The following NARS2 variants were observed in gnomAD, a reference collection of about 807,000 sequenced individuals.
NARS2 encodes the protein asparaginyl-tRNA synthetase 2, mitochondrial.
Under a neutral mutation model 62.9 loss-of-function variants are expected in NARS2, and 60 were observed. The observed-to-expected ratio is 0.95, with a 90% CI of 0.77 to 1.18. The LOEUF is 1.18. Among genes scored for constraint, NARS2 ranks in the 50% most tolerant of loss-of-function variants. The pLI, the probability that NARS2 is intolerant of heterozygous loss-of-function variation, is 0.00. For synonymous variants in NARS2, 196 were observed against 200.0 expected (o/e 0.98, Z 0.17); for missense variants, 619 against 576.4 (o/e 1.07, Z -0.76).
At chr11:78,470,762 A>G (rs1317382437) in intron 9 of NARS2, among the ~76,000 whole-genome samples, 4 of 151,766 alleles carry the variant, frequency 2.6e-5, no homozygotes, top group Non-Finnish European at 5.9e-5. Flanking sequence ...CAATTTTTAT[A>G]TTTTCTGAAA....
At chr11:78,566,952 C>A (rs1038541380) in intron 3 of NARS2, among the ~76,000 whole-genome samples, 7 of 85,282 alleles carry the variant, frequency 8.2e-5, no homozygotes, top group African/African-American at 2.6e-4. Context: ...CAGCCTGTTT[C>A]TTTCAGTCTC....
chr11:78,464,068 T>C (rs1195090734), intron 11 of NARS2, among the ~76,000 whole-genome samples: 3 of 152,146 alleles, frequency 2.0e-5, no homozygotes, highest in Non-Finnish European at 2.9e-5. Context: ...CCTTCTGATG[T>C]TCGGATGTGT....
chr11:78,561,391 A>G (rs1425103419), intron 4 of NARS2, among the ~76,000 whole-genome samples: 16 of 152,220 alleles, frequency 1.1e-4, no homozygotes, highest in Admixed American at 1.0e-3. Context: ...TTCCAGTGTC[A>G]CTTATTTATA....
chr11:78,443,880 T>TG (rs779304288), intron 11 of NARS2, 122 bp from the exon 12 acceptor site: 16 of 654,030 alleles, frequency 2.4e-5, no homozygotes, highest in Non-Finnish European at 4.0e-5. Context: ...AGAATCTTAC[T>TG]GACTACATAC....
intron 11 of NARS2, among the ~76,000 whole-genome samples, chr11:78,460,817 T>C (rs1265792577): frequency 6.6e-6 from 1 of 152,216 alleles, no homozygotes; most frequent in African/African-American, 2.4e-5. Flanking sequence ...ATTCAGAGGT[T>C]CTGCATTTGT....
intron 6 of NARS2, among the ~76,000 whole-genome samples, chr11:78,509,067 A>G (rs1003729521): frequency 1.3e-5 from 2 of 151,584 alleles, no homozygotes; most frequent in Non-Finnish European, 2.9e-5. Context: ...GTGAGCCAAC[A>G]GCACTCCAGC....
chr11:78,556,744 T>A (rs1164259246), intron 5 of NARS2, among the ~76,000 whole-genome samples: 1 of 152,222 alleles, frequency 6.6e-6, no homozygotes. Context: ...AACCTACAAT[T>A]CTTGCCTTAA....
At chr11:78,547,690 G>T (rs1004871645) in intron 5 of NARS2, among the ~76,000 whole-genome samples, 1 of 152,144 alleles carries the variant, frequency 6.6e-6, no homozygotes, top group East Asian at 1.9e-4. Flanking sequence ...AAAATTAGCT[G>T]GGTGTGGTAG....
chr11:78,503,507 G>C (rs1254369768), intron 6 of NARS2, among the ~76,000 whole-genome samples: 1 of 152,152 alleles, frequency 6.6e-6, no homozygotes, highest in Non-Finnish European at 1.5e-5. Flanking sequence ...CAAAGGGCTG[G>C]GATTACAGGC....
At chr11:78,533,435 T>C (rs557611322) in intron 5 of NARS2, 2 of 152,332 alleles carry the variant, frequency 1.3e-5, no homozygotes, top group African/African-American at 4.8e-5. Flanking sequence ...TCATTTGAAA[T>C]TTTATCATGG....
At chr11:78,521,154 TTC>T (rs56778985) in intron 6 of NARS2, among the ~76,000 whole-genome samples, 22 of 150,620 alleles carry the variant, frequency 1.5e-4, no homozygotes, top group Non-Finnish European at 2.4e-4. Flanking sequence ...TGTTTTCTTA[TTC>T]TCTCTCTTTC....
At position 78,521,789 on chromosome 11, in the gene NARS2, C is replaced by CAAAAAAAAAAAA. The variant is rs58282524; in HGVS notation, c.689+7041_689+7052dup. On this transcript the variant is annotated intron_variant, in intron 6 of 13. Coordinates refer to ENST00000281038, the MANE Select transcript of NARS2 (RefSeq NM_024678.6). Reference sequence around the variant, plus strand: ...TGGGCGACAGAGCGAGACTCCGTCTCAAAAAAAAAAAAAAAAAAAAGAAAA... The same window carrying CAAAAAAAAAAAA: ...TGGGCGACAGAGCGAGACTCCGTCTCAAAAAAAAAAAAAAAAAAAAAAAAAAAAAAAAGAAAA... 8.0e-4 allele frequency among the ~76,000 whole-genome samples: 77 copies of CAAAAAAAAAAAA among 96,390 alleles called. 1 individual carries two copies. The highest frequency in any genetic ancestry group is 3.6e-3 in the African/African-American group (76 of 21,276). The allele number at this position is 96,390 out of a possible 152,430, so 63.2% of individuals were successfully genotyped here.
intron 5 of NARS2, among the ~76,000 whole-genome samples, chr11:78,551,454 T>C (rs1007776980): frequency 1.3e-5 from 2 of 152,224 alleles, no homozygotes; most frequent in Admixed American, 1.3e-4. Flanking sequence ...ATCACCATGG[T>C]ATATGTGATG....
intron 10 of NARS2, among the ~76,000 whole-genome samples, chr11:78,466,550 G>A (rs746348524): frequency 6.6e-6 from 1 of 151,930 alleles, no homozygotes; most frequent in Non-Finnish European, 1.5e-5. Context: ...GTGCAATCTC[G>A]GCTCACTGCA....
chr11:78,521,775 G>C (rs1424814458), intron 6 of NARS2, among the ~76,000 whole-genome samples: 1 of 124,004 alleles, frequency 8.1e-6, no homozygotes, highest in Admixed American at 8.6e-5. Context: ...GGGCGACAGA[G>C]CGAGACTCCG....
At chr11:78,557,839 A>G (rs900089510) in intron 5 of NARS2, among the ~76,000 whole-genome samples, 1 of 136,714 alleles carries the variant, frequency 7.3e-6, no homozygotes, top group African/African-American at 3.4e-5. Flanking sequence ...TATCTCTCTT[A>G]TATTTTATAT....
At chr11:78,510,949 C>G (rs778358707) in intron 6 of NARS2, among the ~76,000 whole-genome samples, 2 of 152,054 alleles carry the variant, frequency 1.3e-5, no homozygotes, top group African/African-American at 4.8e-5. Context: ...TCTAAAAAAA[C>G]GAAAATCTAA....
intron 11 of NARS2, among the ~76,000 whole-genome samples, chr11:78,454,734 T>TCA (rs1858095906): frequency 6.6e-6 from 1 of 151,958 alleles, no homozygotes; most frequent in South Asian, 2.1e-4. Context: ...TTCTCTTGCC[T>TCA]CAGCCTCCCA....
At chr11:78,500,339 T>C (rs1860234846) in intron 6 of NARS2, among the ~76,000 whole-genome samples, 1 of 152,188 alleles carries the variant, frequency 6.6e-6, no homozygotes, top group African/African-American at 2.4e-5. Flanking sequence ...ATGGAGGTTA[T>C]TATAAAGATG....
Sources: gnomAD v4.1 joint callset for allele counts (sites outside exome capture counted in the v4.1 genomes callset) on GRCh38, gnomAD v4.1.1 for gene constraint, MANE v1.5 for transcripts, NCBI Gene and HGNC (gene_info 2026-07-23, HGNC 2026-07-21) for gene names.